PLCXD3: variants seen among roughly 807,000 people sequenced by gnomAD.
PLCXD3 encodes the protein PI-PLC X domain-containing protein 3.
Under a neutral mutation model 25.5 loss-of-function variants are expected in PLCXD3, and 19 were observed. That is an observed-to-expected ratio of 0.75 (90% CI 0.52 to 1.09). PLCXD3 has a LOEUF of 1.09. Ranked by LOEUF, PLCXD3 falls within the 50% of genes least tolerant of loss-of-function variation. PLCXD3 has a pLI of 0.00. For missense variants in PLCXD3, 411 were observed against 388.1 expected (o/e 1.06, Z -0.50); for synonymous variants, 174 against 137.6 (o/e 1.26, Z -1.85).
chr5:41,447,626 C>T (rs1169534096), intron 1 of PLCXD3, among the ~76,000 whole-genome samples: 1 of 152,188 alleles, frequency 6.6e-6, no homozygotes, highest in Non-Finnish European at 1.5e-5. Flanking sequence ...CATGTGTGAG[C>T]CCCAGAGGAT....
intron 1 of PLCXD3, among the ~76,000 whole-genome samples, chr5:41,383,928 A>G (rs901440739): frequency 6.6e-6 from 1 of 152,040 alleles, no homozygotes; most frequent in Non-Finnish European, 1.5e-5. Context: ...ATTTATGTAT[A>G]TATATCCATG....
At chr5:41,414,114 C>T (rs1309051770) in intron 1 of PLCXD3, among the ~76,000 whole-genome samples, 1 of 152,176 alleles carries the variant, frequency 6.6e-6, no homozygotes, top group African/African-American at 2.4e-5. Context: ...TATACTATAG[C>T]CCAGTGAAAC....
rs370810071 is a variant in PLCXD3 at position 41,308,881 on chromosome 5, C to A, written c.*4736G>T. 6.6e-6 allele frequency: 1 copy of A among 152,516 alleles called. No homozygotes were observed. Among genetic ancestry groups the A allele is most frequent in the East Asian group, 1.9e-4 (1 of 5,174 alleles). 9.4% of individuals were successfully genotyped at this position (152,516 alleles called of 1,614,324 possible). A position where few individuals can be genotyped will look rare whatever the true frequency, so the allele number is the denominator to read the frequency against. ...TATATGAATTGATGTTTGATTATTACGAAAAGCAATGGGGTACCTCACAAG... is the reference window on the plus strand; with the variant it reads ...TATATGAATTGATGTTTGATTATTAAGAAAAGCAATGGGGTACCTCACAAG... On this transcript the variant is annotated 3_prime_UTR_variant, in exon 3 of 3. Transcript: ENST00000377801.
At chr5:41,333,532 T>C (rs537778192) in intron 2 of PLCXD3, among the ~76,000 whole-genome samples, 2 of 152,262 alleles carry the variant, frequency 1.3e-5, no homozygotes, top group Admixed American at 1.3e-4. Context: ...TCATAAATCA[T>C]AGCATCTGTA....
intron 1 of PLCXD3, among the ~76,000 whole-genome samples, chr5:41,433,386 T>A (rs903581607): frequency 6.6e-6 from 1 of 152,030 alleles, no homozygotes; most frequent in African/African-American, 2.4e-5. Context: ...CTCTTGCCCC[T>A]TTTTTTTCTA....
chr5:41,452,339 T>C (rs1020211968), intron 1 of PLCXD3, among the ~76,000 whole-genome samples: 1 of 152,048 alleles, frequency 6.6e-6, no homozygotes, highest in African/African-American at 2.4e-5. Flanking sequence ...GAATACTAGT[T>C]AGATTTTCAC....
chr5:41,345,857 TTTTTTTC>T (rs1259078754), intron 2 of PLCXD3, among the ~76,000 whole-genome samples: 1 of 151,092 alleles, frequency 6.6e-6, no homozygotes, highest in African/African-American at 2.4e-5. Flanking sequence ...GTTTCTTTTC[TTTTTTTC>T]TTTTTTCTTT....
intron 1 of PLCXD3, among the ~76,000 whole-genome samples, chr5:41,398,495 A>T (rs904783338): frequency 3.9e-5 from 6 of 152,208 alleles, no homozygotes; most frequent in Non-Finnish European, 5.9e-5. Context: ...AGTCTCAAGT[A>T]GTTCTCTATA....
intron 2 of PLCXD3, among the ~76,000 whole-genome samples, chr5:41,337,737 A>G (rs1744024790): frequency 6.6e-6 from 1 of 152,136 alleles, no homozygotes; most frequent in Non-Finnish European, 1.5e-5. Flanking sequence ...GGTGCAAAGG[A>G]TAGAGAAATA....
intron 2 of PLCXD3, among the ~76,000 whole-genome samples, chr5:41,351,130 C>A (rs1201527995): frequency 6.6e-6 from 1 of 152,050 alleles, no homozygotes; most frequent in Non-Finnish European, 1.5e-5. Flanking sequence ...AGAGCAGATA[C>A]CTTTTTTTTG....
At chr5:41,364,178 C>T (rs1304659939) in intron 2 of PLCXD3, among the ~76,000 whole-genome samples, 2 of 152,064 alleles carry the variant, frequency 1.3e-5, no homozygotes, top group Non-Finnish European at 2.9e-5. Flanking sequence ...GGGTAGAGGC[C>T]ATGGATGCTG....
chr5:41,359,390 G>A lies in PLCXD3; in HGVS notation c.812+22436C>T, dbSNP rs1018876896. ...AATTTTTCATTACCATTTCAACCTT[G>A]CTGTTTGTTATTGGTCTGTTCAGAG... is the stretch of plus-strand genomic sequence containing the variant. On this transcript the variant is annotated intron_variant, in intron 2 of 2. Coordinates refer to ENST00000377801, the MANE Select transcript of PLCXD3 (RefSeq NM_001005473.3). Among the ~76,000 whole-genome samples the A allele has an allele frequency of 2.0e-5, 3 of 152,106 alleles. No individual in the cohort carries two copies. In the East Asian group the frequency reaches 5.8e-4, roughly 29 times the overall value.
chr5:41,468,587 T>C (rs1037396494), intron 1 of PLCXD3, among the ~76,000 whole-genome samples: 1 of 152,206 alleles, frequency 6.6e-6, no homozygotes, highest in Admixed American at 6.5e-5. Context: ...TCAGGTCATT[T>C]ACCTCCTTGG....
intron 1 of PLCXD3, among the ~76,000 whole-genome samples, chr5:41,463,459 T>G (rs950629212): frequency 6.6e-6 from 1 of 152,058 alleles, no homozygotes; most frequent in African/African-American, 2.4e-5. Context: ...AAAGGCTTCA[T>G]CTTTTACTAC....
At chr5:41,332,932 T>C (rs1743870850) in intron 2 of PLCXD3, among the ~76,000 whole-genome samples, 1 of 152,016 alleles carries the variant, frequency 6.6e-6, no homozygotes, top group Admixed American at 6.6e-5. Flanking sequence ...CATCACACTC[T>C]GGGGACTGTT....
At chr5:41,489,530 A>G (rs1748605115) in intron 1 of PLCXD3, among the ~76,000 whole-genome samples, 1 of 152,136 alleles carries the variant, frequency 6.6e-6, no homozygotes. Context: ...CAGTATGGCA[A>G]TTTTCACAAT....
chr5:41,330,895 A>T (rs1219406154), intron 2 of PLCXD3, among the ~76,000 whole-genome samples: 2 of 152,096 alleles, frequency 1.3e-5, no homozygotes, highest in Non-Finnish European at 2.9e-5. Flanking sequence ...AAATTCAACA[A>T]CCCTTCATGC....
intron 1 of PLCXD3, among the ~76,000 whole-genome samples, chr5:41,408,963 G>C (rs879310479): frequency 5.9e-5 from 9 of 152,114 alleles, no homozygotes; most frequent in African/African-American, 2.4e-5. Flanking sequence ...TAACACTATT[G>C]CCTTGGCTAT....
intron 1 of PLCXD3, among the ~76,000 whole-genome samples, chr5:41,403,280 C>CT (rs538471301): frequency 0.16 from 21,751 of 137,266 alleles, 1,779 homozygotes; most frequent in African/African-American, 0.21. Context: ...AAGAGGAACT[C>CT]TTTTTTTTTT....
Sources: gnomAD v4.1 joint callset for allele counts (sites outside exome capture counted in the v4.1 genomes callset) on GRCh38, gnomAD v4.1.1 for gene constraint, MANE v1.5 for transcripts, NCBI Gene and HGNC (gene_info 2026-07-23, HGNC 2026-07-21) for gene names.